The following RBMS3 variants were observed in gnomAD, a reference collection of about 807,000 sequenced individuals.
RBMS3 encodes the protein RNA binding motif single stranded interacting protein 3.
A neutral mutation model predicts 66.8 loss-of-function variants in RBMS3; 27 were observed. The ratio of observed to expected loss-of-function variants is 0.40; its 90% CI spans 0.30 to 0.56. The LOEUF (loss-of-function observed/expected upper bound fraction) is 0.56, where lower values mean the gene tolerates loss of function less well. Ranked by LOEUF, RBMS3 falls within the 20% of genes least tolerant of loss-of-function variation. The pLI is 0.40. For synonymous variants in RBMS3, 188 were observed against 183.0 expected, an observed-to-expected ratio of 1.03 and a Z score of -0.22; for missense variants, 513 against 549.5, an observed-to-expected ratio of 0.93 and a Z score of 0.66.
At chr3:29,670,465 G>A (rs930970924) in intron 4 of RBMS3, among the ~76,000 whole-genome samples, 3 of 152,228 alleles carry the variant, frequency 2.0e-5, no homozygotes, top group African/African-American at 7.2e-5. Flanking sequence ...CGCCTCACTC[G>A]GGAATCACAA....
rs1296195857 is a variant in RBMS3, at chr3:29,604,008, G to A, written c.399+16803G>A. On this transcript the variant is annotated intron_variant, in intron 4 of 14. Coordinates refer to ENST00000383767, the MANE Select transcript of RBMS3 (RefSeq NM_001003793.3). The stretch of plus-strand genomic sequence containing the variant: ...CACAAGTTGCTACTGGCATCTGTTC[G>A]GTGGGTAGAAGCCAGGATGCTGCTA... Among the ~76,000 whole-genome samples, 6 of 151,910 alleles carry A rather than the reference G, an allele frequency of 3.9e-5. No individual in the cohort carries two copies. In the East Asian group the frequency reaches 7.7e-4, roughly 20 times the overall value.
At chr3:29,776,397 T>G (rs1160505681) in intron 6 of RBMS3, among the ~76,000 whole-genome samples, 1 of 151,960 alleles carries the variant, frequency 6.6e-6, no homozygotes, top group Non-Finnish European at 1.5e-5. Context: ...TCCGCACCCA[T>G]TAACTCGTCA....
At chr3:29,348,571 T>TA (rs201850631) in intron 1 of RBMS3, among the ~76,000 whole-genome samples, 40,959 of 143,324 alleles carry the variant, frequency 0.29, 6,244 homozygotes, top group Non-Finnish European at 0.36. Context: ...TTCTCTCTGT[T>TA]AAAAAAAAAA....
chr3:29,313,351 C>G (rs1222517837), intron 1 of RBMS3, among the ~76,000 whole-genome samples: 1 of 151,746 alleles, frequency 6.6e-6, no homozygotes, highest in Non-Finnish European at 1.5e-5. Context: ...ATGAAACTCA[C>G]TGCCTCGAGT....
At chr3:29,763,636 C>A (rs962330194) in intron 6 of RBMS3, among the ~76,000 whole-genome samples, 3 of 151,948 alleles carry the variant, frequency 2.0e-5, no homozygotes, top group African/African-American at 7.3e-5. Context: ...ATAAAGTGTT[C>A]TAATTTTATG....
In RBMS3 at chr3:29,739,438, A is replaced by G. The variant is rs570885102; in HGVS notation, c.400-282A>G. On this transcript the variant is annotated intron_variant, in intron 4 of 14. Coordinates refer to ENST00000383767, the MANE Select transcript of RBMS3 (RefSeq NM_001003793.3). ...GCCACTGCACTCCAGCCTGGGCTAC[A>G]GAGCGAGACTCCGTCTCAAGAAAAA... Among the ~76,000 whole-genome samples the G allele has an allele frequency of 1.9e-3, 279 of 146,766 alleles. 1 individual carries two copies. Among genetic ancestry groups the G allele is most frequent in the Non-Finnish European group, 2.4e-3 (164 of 67,234 alleles).
intron 4 of RBMS3, among the ~76,000 whole-genome samples, chr3:29,712,074 A>G (rs2053194162): frequency 6.6e-6 from 1 of 152,134 alleles, no homozygotes; most frequent in Admixed American, 6.6e-5. Flanking sequence ...CAGCTTAAAG[A>G]ATCAGACATT....
intron 2 of RBMS3, among the ~76,000 whole-genome samples, chr3:29,438,954 C>A (rs146266244): frequency 7.9e-5 from 12 of 152,038 alleles, no homozygotes; most frequent in African/African-American, 2.7e-4. Flanking sequence ...CTAGTTAGGG[C>A]GATTAGCAAA....
intron 4 of RBMS3, among the ~76,000 whole-genome samples, chr3:29,604,934 A>T (rs1422814497): frequency 6.6e-6 from 1 of 151,994 alleles, no homozygotes; most frequent in Middle Eastern, 3.4e-3. Flanking sequence ...GCTTTGAGAT[A>T]TCTTTTGGCA....
intron 6 of RBMS3, among the ~76,000 whole-genome samples, chr3:29,816,733 G>A (rs141789860): frequency 6.6e-6 from 1 of 152,214 alleles, no homozygotes; most frequent in African/African-American, 2.4e-5. Context: ...GAAAACTTTT[G>A]TGAGTCAAAA....
At chr3:29,552,814 T>C (rs1343968840) in intron 3 of RBMS3, among the ~76,000 whole-genome samples, 1 of 152,192 alleles carries the variant, frequency 6.6e-6, no homozygotes, top group East Asian at 1.9e-4. Context: ...CTTAGGGCAT[T>C]ACACTCTGGA....
intron 4 of RBMS3, among the ~76,000 whole-genome samples, chr3:29,667,218 T>C (rs934333922): frequency 2.0e-5 from 3 of 152,168 alleles, no homozygotes; most frequent in Non-Finnish European, 2.9e-5. Context: ...TTTGAATAGA[T>C]TGCTACCTAC....
At chr3:29,876,652 G>A (rs2059616244) in intron 7 of RBMS3, among the ~76,000 whole-genome samples, 1 of 152,144 alleles carries the variant, frequency 6.6e-6, no homozygotes, top group Non-Finnish European at 1.5e-5. Flanking sequence ...CCTGGAGAAA[G>A]AGCTGGCTTT....
chr3:29,529,621 T>C (rs2045272250), intron 3 of RBMS3, among the ~76,000 whole-genome samples: 1 of 152,110 alleles, frequency 6.6e-6, no homozygotes, highest in Non-Finnish European at 1.5e-5. Context: ...ATAAAATACA[T>C]TTCAAATTTT....
intron 6 of RBMS3, among the ~76,000 whole-genome samples, chr3:29,783,700 A>G (rs1009476164): frequency 7.2e-5 from 11 of 152,306 alleles, no homozygotes; most frequent in African/African-American, 2.6e-4. Context: ...ACATCCCAAT[A>G]CTAACATTGA....
chr3:29,992,706 C>T (rs188134151), intron 14 of RBMS3, among the ~76,000 whole-genome samples: 2 of 152,090 alleles, frequency 1.3e-5, no homozygotes, highest in East Asian at 1.9e-4. Context: ...GCCAACAAGC[C>T]GAGTGAGGGG....
At chr3:29,443,089 G>A (rs772211626) in intron 2 of RBMS3, among the ~76,000 whole-genome samples, 5 of 152,022 alleles carry the variant, frequency 3.3e-5, no homozygotes, top group Non-Finnish European at 7.4e-5. Context: ...TAACCCAAGA[G>A]CTATCAAATT....
intron 4 of RBMS3, among the ~76,000 whole-genome samples, chr3:29,665,041 AC>A (rs2050699626): frequency 6.6e-6 from 1 of 152,208 alleles, no homozygotes; most frequent in African/African-American, 2.4e-5. Flanking sequence ...AGTGAAAATA[AC>A]ATTCTAGCTT....
intron 4 of RBMS3, among the ~76,000 whole-genome samples, chr3:29,678,265 T>G (rs1223744468): frequency 6.6e-6 from 1 of 152,142 alleles, no homozygotes; most frequent in African/African-American, 2.4e-5. Flanking sequence ...TCAAAATATA[T>G]GTTAAATAGG....
Sources: allele counts gnomAD v4.1 joint callset (sites outside exome capture counted in the v4.1 genomes callset), GRCh38; gene constraint gnomAD v4.1.1; transcripts MANE v1.5; gene names NCBI Gene and HGNC (gene_info 2026-07-23, HGNC 2026-07-21).